The following NRXN3 variants were observed in gnomAD, a reference collection of about 807,000 sequenced individuals.
The protein encoded by NRXN3 is neurexin III.
A neutral mutation model predicts 137.6 loss-of-function variants in NRXN3; 32 were observed. That is an observed-to-expected ratio of 0.23 (90% confidence interval 0.18 to 0.31). NRXN3 has a LOEUF of 0.31. Among genes scored for constraint, NRXN3 ranks in the 10% least tolerant of loss-of-function variants. The pLI, the probability that NRXN3 is intolerant of heterozygous loss-of-function variation, is 1.00. For synonymous variants in NRXN3, 798 were observed against 784.5 expected (o/e 1.02, Z -0.29); for missense variants, 1,574 against 2,062.5 (o/e 0.76, Z 4.59).
At chr14:79,184,659 C>T (rs187051467) in intron 15 of NRXN3, among the ~76,000 whole-genome samples, 150 of 152,268 alleles carry the variant, frequency 9.9e-4, no homozygotes, top group Middle Eastern at 6.8e-3. Flanking sequence ...ACTACTGAGG[C>T]GAGTCAGGGG....
chr14:79,590,416 TAAAAAAAA>T (rs11419735), intron 16 of NRXN3, among the ~76,000 whole-genome samples: 1 of 92,272 alleles, frequency 1.1e-5, no homozygotes, highest in Non-Finnish European at 1.9e-5. Context: ...TTTCTTTTGT[TAAAAAAAA>T]AAAAAAAAAA....
At chr14:79,424,448 T>C (rs1028451118) in intron 15 of NRXN3, among the ~76,000 whole-genome samples, 3 of 152,218 alleles carry the variant, frequency 2.0e-5, no homozygotes, top group African/African-American at 7.2e-5. Context: ...TAACATTTAC[T>C]AAGCATCTAC....
intron 10 of NRXN3, among the ~76,000 whole-genome samples, chr14:78,819,095 C>A (rs370043845): frequency 9.9e-5 from 15 of 152,224 alleles, no homozygotes; most frequent in African/African-American, 3.4e-4. Context: ...TTGCTTGGAG[C>A]CTCGCAAGCT....
chr14:78,719,596 C>T (rs538115813), intron 8 of NRXN3, among the ~76,000 whole-genome samples: 7 of 152,214 alleles, frequency 4.6e-5, no homozygotes, highest in African/African-American at 1.7e-4. Flanking sequence ...AATCCCAGCA[C>T]TTTGGGAGGC....
intron 4 of NRXN3, among the ~76,000 whole-genome samples, chr14:78,640,674 GATCAGTACTTCAT>G (rs1230364250): frequency 2.0e-5 from 3 of 152,136 alleles, no homozygotes; most frequent in Non-Finnish European, 4.4e-5. Flanking sequence ...CCATTTGAAA[GATCAGTACTTCAT>G]ATATCTTATA....
chr14:79,777,886 A>C (rs912835142), intron 19 of NRXN3, among the ~76,000 whole-genome samples: 10 of 152,116 alleles, frequency 6.6e-5, no homozygotes, highest in African/African-American at 2.4e-4. Flanking sequence ...CCTCCCAGGA[A>C]ACTTGTGGTT....
chr14:78,426,324 A>T (rs2093663286), intron 4 of NRXN3, among the ~76,000 whole-genome samples: 2 of 152,194 alleles, frequency 1.3e-5, no homozygotes, highest in South Asian at 4.1e-4. Context: ...CACGTGAGGT[A>T]CAGCTTCATC....
intron 4 of NRXN3, among the ~76,000 whole-genome samples, chr14:78,303,366 C>T (rs750554631): frequency 6.6e-6 from 1 of 152,156 alleles, no homozygotes; most frequent in Non-Finnish European, 1.5e-5. Context: ...ATTGCACGTA[C>T]GTTGAAGACA....
intron 17 of NRXN3, among the ~76,000 whole-genome samples, chr14:79,671,807 G>A (rs554979267): frequency 6.6e-6 from 1 of 152,054 alleles, no homozygotes. Context: ...AAGCTGATAA[G>A]CATTTCAAGG....
At chr14:78,238,888 A>G (rs1385155696) in intron 1 of NRXN3, among the ~76,000 whole-genome samples, 1 of 152,232 alleles carries the variant, frequency 6.6e-6, no homozygotes, top group Non-Finnish European at 1.5e-5. Flanking sequence ...CCGACAAAGC[A>G]GGCTAAGTGC....
intron 19 of NRXN3, among the ~76,000 whole-genome samples, chr14:79,715,154 C>T (rs1254346292): frequency 2.6e-5 from 4 of 152,188 alleles, no homozygotes; most frequent in Non-Finnish European, 5.9e-5. Flanking sequence ...GGGGTTTCAC[C>T]GTGTTAGCCA....
intron 15 of NRXN3, among the ~76,000 whole-genome samples, chr14:79,283,372 G>A (rs74067969): frequency 0.013 from 1,912 of 152,208 alleles, 47 homozygotes; most frequent in African/African-American, 0.043. Context: ...AGTCCTCAAA[G>A]CTGCTGTTCA....
At chr14:79,466,153 T>C (rs938128354) in intron 15 of NRXN3, among the ~76,000 whole-genome samples, 1 of 152,204 alleles carries the variant, frequency 6.6e-6, no homozygotes, top group Non-Finnish European at 1.5e-5. Context: ...CCACTTGTCA[T>C]GTTCAAATCT....
chr14:78,315,009 CT>C (rs1243556957), intron 4 of NRXN3, among the ~76,000 whole-genome samples: 1 of 93,918 alleles, frequency 1.1e-5, no homozygotes, highest in Non-Finnish European at 2.2e-5. Context: ...TTCTTTCTTT[CT>C]TTTCTTTTTA....
intron 19 of NRXN3, among the ~76,000 whole-genome samples, chr14:79,712,793 C>T (rs2098809203): frequency 6.6e-6 from 1 of 152,152 alleles, no homozygotes; most frequent in Non-Finnish European, 1.5e-5. Context: ...GGGCTGGGCG[C>T]TCGCTGAGCC....
At chr14:79,525,587 A>G (rs2097111171) in intron 16 of NRXN3, among the ~76,000 whole-genome samples, 1 of 152,228 alleles carries the variant, frequency 6.6e-6, no homozygotes, top group Non-Finnish European at 1.5e-5. Flanking sequence ...AGATTAAAAT[A>G]TACTCTTTGC....
chr14:78,232,851 C>T (rs950192284), intron 1 of NRXN3, among the ~76,000 whole-genome samples: 5 of 152,140 alleles, frequency 3.3e-5, no homozygotes, highest in African/African-American at 1.2e-4. Flanking sequence ...GGCCCACTGG[C>T]CAGGGAGGAG....
At chr14:79,269,573 A>G (rs2078993675) in intron 15 of NRXN3, among the ~76,000 whole-genome samples, 1 of 152,176 alleles carries the variant, frequency 6.6e-6, no homozygotes, top group South Asian at 2.1e-4. Context: ...TAGACAGAGC[A>G]AAGTAGTTCT....
chr14:78,284,928 C>G (rs564748460), intron 3 of NRXN3, among the ~76,000 whole-genome samples: 102 of 152,332 alleles, frequency 6.7e-4, no homozygotes, highest in Middle Eastern at 6.8e-3. Context: ...ACCTTGAGCT[C>G]CAAGACATTG....
Sources: gnomAD v4.1 joint callset for allele counts (sites outside exome capture counted in the v4.1 genomes callset) on GRCh38, gnomAD v4.1.1 for gene constraint, MANE v1.5 for transcripts, NCBI Gene and HGNC (gene_info 2026-07-23, HGNC 2026-07-21) for gene names.